MTHFD1L: variants seen among roughly 807,000 people sequenced by gnomAD.
MTHFD1L encodes the protein methylenetetrahydrofolate dehydrogenase (NADP+ dependent) 1 like, also known as monofunctional C1-tetrahydrofolate synthase, mitochondrial.
MTHFD1L carries 81 observed loss-of-function variants against 119.5 expected under a neutral mutation model. The ratio of observed to expected loss-of-function variants is 0.68; its 90% confidence interval spans 0.57 to 0.82. MTHFD1L has a LOEUF of 0.82. MTHFD1L is among the 40% of genes least tolerant of loss of function. The pLI, the probability that MTHFD1L is intolerant of heterozygous loss-of-function variation, is 0.00. For synonymous variants in MTHFD1L, 430 were observed against 475.2 expected, an observed-to-expected ratio of 0.90 and a Z score of 1.24; for missense variants, 1,125 against 1,253.4, an observed-to-expected ratio of 0.90 and a Z score of 1.55.
chr6:150,866,399 G>A (rs1168053324), intron 1 of MTHFD1L: 21 of 1,371,970 alleles, frequency 1.5e-5, no homozygotes, highest in Admixed American at 7.3e-5. Flanking sequence ...TAAAGGGGCG[G>A]TGCGGCTGGG....
intron 16 of MTHFD1L, among the ~76,000 whole-genome samples, chr6:150,951,575 A>AATGG (rs1271810335): frequency 2.6e-5 from 4 of 152,122 alleles, no homozygotes; most frequent in Non-Finnish European, 5.9e-5. Context: ...TCTTTGTTGT[A>AATGG]ATGGCCATTT....
Position 151,026,546 on chromosome 6 carries a change from G to C in MTHFD1L, c.2587-7947G>C, listed in dbSNP as rs901319428. 4.6e-5 allele frequency among the ~76,000 whole-genome samples: 7 copies of C among 152,290 alleles called. 1 individual carries two copies. Among genetic ancestry groups the C allele is most frequent in the East Asian group, 1.9e-4 (1 of 5,180 alleles). ...GAGTATTTCCGTTTCTGAAATACAT[G>C]TTTAAGAAGTTTGGAAAGGAATTAG... On this transcript the variant is annotated intron_variant, in intron 24 of 27. Coordinates refer to ENST00000367321, the MANE Select transcript of MTHFD1L (RefSeq NM_015440.5).
intron 20 of MTHFD1L, among the ~76,000 whole-genome samples, chr6:150,976,962 T>C (rs1413658993): frequency 2.0e-5 from 3 of 152,218 alleles, no homozygotes; most frequent in African/African-American, 7.2e-5. Context: ...GTCAAAAATA[T>C]ATTTAAGTCC....
At chr6:150,993,755 T>C (rs1779363723) in intron 20 of MTHFD1L, among the ~76,000 whole-genome samples, 1 of 152,156 alleles carries the variant, frequency 6.6e-6, no homozygotes, top group Non-Finnish European at 1.5e-5. Context: ...CGATCCTTCC[T>C]CTCTGTTTCC....
intron 11 of MTHFD1L, chr6:150,935,625 T>C (rs1233532812): frequency 7.9e-7 from 1 of 1,258,064 alleles, no homozygotes; most frequent in Non-Finnish European, 1.1e-6. Context: ...TTTTGACAAA[T>C]AGAAGAGTGT....
intron 20 of MTHFD1L, among the ~76,000 whole-genome samples, chr6:150,999,918 G>A (rs528324): frequency 0.082 from 12,548 of 152,164 alleles, 713 homozygotes; most frequent in Non-Finnish European, 0.12. Context: ...TTTCTCTATC[G>A]CTTTTCCCAA....
At chr6:150,952,650 C>T (rs1421772082) in intron 16 of MTHFD1L, among the ~76,000 whole-genome samples, 7 of 152,176 alleles carry the variant, frequency 4.6e-5, no homozygotes, top group African/African-American at 1.7e-4. Flanking sequence ...CTGCCTCAGC[C>T]TCCCGAGTAG....
At chr6:151,024,001 A>G (rs1379479148) in intron 24 of MTHFD1L, among the ~76,000 whole-genome samples, 1 of 152,166 alleles carries the variant, frequency 6.6e-6, no homozygotes, top group Non-Finnish European at 1.5e-5. Context: ...ACCACACGTA[A>G]TGGACCACTT....
At chr6:150,949,292 C>G (rs1794518439) in intron 16 of MTHFD1L, among the ~76,000 whole-genome samples, 159 bp downstream of exon 16, 1 of 152,040 alleles carries the variant, frequency 6.6e-6, no homozygotes. Context: ...TATTATCGTA[C>G]CACCCTCCCT....
intron 1 of MTHFD1L, chr6:150,866,738 G>C (rs1178356079): frequency 2.9e-6 from 3 of 1,043,196 alleles, no homozygotes; most frequent in African/African-American, 1.7e-5. Flanking sequence ...CGCGCAGCTG[G>C]GTTTGCAGGG....
intron 20 of MTHFD1L, among the ~76,000 whole-genome samples, chr6:150,974,612 A>AC (rs61649851): frequency 0.17 from 25,766 of 151,604 alleles, 3,943 homozygotes; most frequent in East Asian, 0.54. Flanking sequence ...ACTCCTGGAT[A>AC]CCCCATGTGA....
At chr6:150,945,762 C>A (rs1793826705) in intron 15 of MTHFD1L, among the ~76,000 whole-genome samples, 1 of 152,042 alleles carries the variant, frequency 6.6e-6, no homozygotes. Context: ...AATTAATTAA[C>A]CTTTTTTGGT....
chr6:150,909,905 G>A (rs752626119), intron 8 of MTHFD1L, among the ~76,000 whole-genome samples: 3 of 152,202 alleles, frequency 2.0e-5, no homozygotes, highest in Non-Finnish European at 2.9e-5. Context: ...GAGGCTGGGC[G>A]TGGTGTGGCT....
intron 15 of MTHFD1L, 90 bp from the exon 16 acceptor site, chr6:150,948,941 G>A: frequency 9.0e-7 from 1 of 1,107,992 alleles, no homozygotes; most frequent in Non-Finnish European, 1.3e-6. Context: ...TACCAATCAT[G>A]GAGAAAATAA....
intron 19 of MTHFD1L, 29 bp from the exon 20 acceptor site, chr6:150,971,918 G>C: frequency 6.3e-7 from 1 of 1,596,666 alleles, no homozygotes; most frequent in Non-Finnish European, 8.6e-7. Flanking sequence ...TGTCTTTTGG[G>C]ATTTTGATTT....
At chr6:150,866,380 C>T (rs2128706001) in intron 1 of MTHFD1L, 3 of 1,402,854 alleles carry the variant, frequency 2.1e-6, no homozygotes, top group Admixed American at 3.2e-5. Context: ...CCGGGCGCGA[C>T]CCAGACGGTA....
At chr6:150,882,239 T>C (rs1020949818) in intron 4 of MTHFD1L, among the ~76,000 whole-genome samples, 2 of 152,228 alleles carry the variant, frequency 1.3e-5, no homozygotes, top group Non-Finnish European at 2.9e-5. Flanking sequence ...TTGTGTGTCA[T>C]TGAGGTCCAG....
intron 20 of MTHFD1L, among the ~76,000 whole-genome samples, chr6:150,987,749 G>A (rs543332404): frequency 8.5e-5 from 13 of 152,142 alleles, no homozygotes; most frequent in East Asian, 1.9e-4. Context: ...GGAAGTGCAC[G>A]TTTGTTAAAT....
intron 26 of MTHFD1L, among the ~76,000 whole-genome samples, chr6:151,062,223 T>G (rs997727225): frequency 6.6e-6 from 1 of 152,052 alleles, no homozygotes; most frequent in Non-Finnish European, 1.5e-5. Context: ...GATCACGAGG[T>G]CAGGAGATCG....
Sources: gnomAD v4.1 joint callset for allele counts (sites outside exome capture counted in the v4.1 genomes callset) on GRCh38, gnomAD v4.1.1 for gene constraint, MANE v1.5 for transcripts, NCBI Gene and HGNC (gene_info 2026-07-23, HGNC 2026-07-21) for gene names.